SVOP: variants seen among roughly 807,000 people sequenced by gnomAD.
SVOP encodes synaptic vesicle 2-related protein.
A neutral mutation model predicts 69.1 loss-of-function variants in SVOP; 17 were observed. The ratio of observed to expected loss-of-function variants is 0.25; its 90% CI spans 0.17 to 0.37. The LOEUF is 0.37. Ranked by LOEUF, SVOP falls within the 10% of genes least tolerant of loss-of-function variation. The pLI is 1.00. For synonymous variants in SVOP, 238 were observed against 238.6 expected (o/e 1.00, Z 0.02); for missense variants, 435 against 597.5 (o/e 0.73, Z 2.84).
intron 11 of SVOP, among the ~76,000 whole-genome samples, chr12:108,933,200 G>T (rs1377288211): frequency 6.6e-6 from 1 of 151,924 alleles, no homozygotes; most frequent in Non-Finnish European, 1.5e-5. Flanking sequence ...TCTTTTCTGT[G>T]AATAAATAAA....
chr12:108,995,425 A>C (rs556024509), intron 1 of SVOP, among the ~76,000 whole-genome samples: 5 of 152,314 alleles, frequency 3.3e-5, no homozygotes, highest in Non-Finnish European at 5.9e-5. Flanking sequence ...TGAGGATTCT[A>C]CCTATGTGAG....
In SVOP at chr12:108,915,815, C is replaced by T. The variant is rs967612258; in HGVS notation, c.1408G>A (p.Val470Met). 3.7e-6 allele frequency: 6 copies of T among 1,608,588 alleles called. No homozygotes were observed. The highest frequency in any genetic ancestry group is 1.3e-5 in the African/African-American group (1 of 74,792). Residue 470 changes from valine (V) to methionine (M), a missense_variant, in exon 15 of 16, where the codon GTG (valine) becomes ATG (methionine). Physicochemically the swap from Val to Met is conservative, Grantham distance 21. Coordinates refer to ENST00000610966, the MANE Select transcript of SVOP (RefSeq NM_018711.5). ...ATGAACGGAGTGATGAGAGCACCCACTCTTGCCATGCCGCTGCAGGTGCCC... is the reference window on the plus strand; with the variant it reads ...ATGAACGGAGTGATGAGAGCACCCATTCTTGCCATGCCGCTGCAGGTGCCC... The part of the protein sequence containing the change: ...GLGTCSGMAR[V>M]GALITPFIAQ...
rs777869667 is a variant in SVOP at position 108,908,375 on chromosome 12, T to C, written c.*4160A>G. The C allele has an allele frequency of 6.6e-6, 1 of 152,270 alleles. No homozygotes were observed. The highest frequency in any genetic ancestry group is 1.5e-5 in the Non-Finnish European group (1 of 68,040). 9.4% of individuals were successfully genotyped at this position (152,270 alleles called of 1,614,324 possible). A position where few individuals can be genotyped will look rare whatever the true frequency, so the allele number is the denominator to read the frequency against. ...CCATCAACCAAAGCTGCACTGCAGA[T>C]GCATTTTATTGAGCTCACACATCAT... On this transcript the variant is annotated 3_prime_UTR_variant, in exon 16 of 16. Coordinates refer to ENST00000610966, the MANE Select transcript of SVOP (RefSeq NM_018711.5).
intron 11 of SVOP, among the ~76,000 whole-genome samples, chr12:108,923,564 G>C (rs2039763179): frequency 6.6e-6 from 1 of 152,072 alleles, no homozygotes; most frequent in Admixed American, 6.5e-5. Context: ...CCTGGCAAAG[G>C]ACCCTGCTAA....
chr12:108,994,999 G>T (rs991725029), intron 1 of SVOP, among the ~76,000 whole-genome samples: 3 of 151,858 alleles, frequency 2.0e-5, no homozygotes, highest in Non-Finnish European at 2.9e-5. Flanking sequence ...TAAAAAATTA[G>T]CTGGGCATGG....
At chr12:108,998,707 A>C (rs2040250718) in intron 1 of SVOP, among the ~76,000 whole-genome samples, 1 of 151,958 alleles carries the variant, frequency 6.6e-6, no homozygotes, top group Non-Finnish European at 1.5e-5. Flanking sequence ...TATCCAGCCA[A>C]ACTAAGCTTC....
chr12:108,913,768 C>T (rs1306843850), intron 15 of SVOP, among the ~76,000 whole-genome samples: 1 of 152,176 alleles, frequency 6.6e-6, no homozygotes, highest in East Asian at 1.9e-4. Context: ...TCTGCCTCAG[C>T]CTTTTGAGTA....
chr12:108,933,675 G>A lies in SVOP; in HGVS notation c.1048+520C>T, dbSNP rs139420915. 3.3e-5 allele frequency among the ~76,000 whole-genome samples: 5 copies of A among 151,650 alleles called. No individual in the cohort carries two copies. In the East Asian group the frequency reaches 7.7e-4, roughly 23 times the overall value. On this transcript the variant is annotated intron_variant, in intron 11 of 15. Transcript: ENST00000610966. ...AGCCTGGGCGACAGAGCAAGACTCC[G>A]TCAAAAATAAAAAATAAAAAAATAA...
At chr12:108,995,293 T>C (rs924244374) in intron 1 of SVOP, among the ~76,000 whole-genome samples, 2 of 151,956 alleles carry the variant, frequency 1.3e-5, no homozygotes, top group Admixed American at 1.3e-4. Flanking sequence ...GAACAATATA[T>C]ACAATAGAAT....
chr12:108,981,571 G>A (rs1354587223), intron 2 of SVOP, among the ~76,000 whole-genome samples: 1 of 152,168 alleles, frequency 6.6e-6, no homozygotes, highest in Non-Finnish European at 1.5e-5. Context: ...GGGCTCTGAG[G>A]CCAGATTGCC....
At chr12:108,978,182 T>G (rs935070686) in intron 3 of SVOP, among the ~76,000 whole-genome samples, 2 of 152,208 alleles carry the variant, frequency 1.3e-5, no homozygotes, top group African/African-American at 4.8e-5. Flanking sequence ...ATTAAAGGTT[T>G]GGCTGTACTC....
rs891320738 is a variant in SVOP at position 108,915,960 on chromosome 12, G to C, written c.1351-88C>G. 3.1e-6 allele frequency: 4 copies of C among 1,305,058 alleles called. No homozygotes were observed. The African/African-American group carries it at 6.0e-5, about 20-fold the overall frequency. 80.8% of individuals were successfully genotyped at this position (1,305,058 alleles called of 1,614,324 possible). ...CAAGCTGATAGGACCAACCTCAGGG[G>C]CAGGCCGGAAGTCAGGGCAAATCCC... On this transcript the variant is annotated intron_variant, in intron 14 of 15. Coordinates refer to ENST00000610966, the MANE Select transcript of SVOP (RefSeq NM_018711.5).
intron 1 of SVOP, among the ~76,000 whole-genome samples, chr12:108,997,129 C>A (rs1421041264): frequency 4.6e-5 from 7 of 152,180 alleles, no homozygotes; most frequent in Non-Finnish European, 1.0e-4. Context: ...CGAAGCAGGG[C>A]GAGGCATTGC....
intron 1 of SVOP, among the ~76,000 whole-genome samples, chr12:108,997,373 G>A (rs1335571383): frequency 6.7e-5 from 10 of 150,348 alleles, no homozygotes; most frequent in South Asian, 2.1e-4. Context: ...AGGCGGCAGC[G>A]AGGCTGGGGG....
chr12:108,913,072 T>G (rs531020014), intron 15 of SVOP, among the ~76,000 whole-genome samples: 1 of 151,834 alleles, frequency 6.6e-6, no homozygotes, highest in African/African-American at 2.4e-5. Flanking sequence ...TTTTGTTTTT[T>G]GTTTTTTTTG....
rs754575037 is a variant in SVOP at position 108,915,889 on chromosome 12, G to A, written c.1351-17C>T. 1.5e-5 allele frequency: 23 copies of A among 1,583,074 alleles called. No individual in the cohort carries two copies. The highest frequency in any genetic ancestry group is 7.0e-5 in the South Asian group (6 of 86,084). On this transcript the variant is annotated splice_polypyrimidine_tract_variant and intron_variant, in intron 14 of 15. Transcript: ENST00000610966. ...GGGGTAGACCTGAAACACAGCAGCC[G>A]GATATAGGCATGGGGACATGCAGGT...
intron 1 of SVOP, among the ~76,000 whole-genome samples, chr12:108,985,157 G>A (rs1325797565): frequency 6.6e-6 from 1 of 151,678 alleles, no homozygotes; most frequent in Non-Finnish European, 1.5e-5. Context: ...AACCCATAAG[G>A]GTGAGGCTGC....
intron 1 of SVOP, among the ~76,000 whole-genome samples, chr12:108,998,859 GCC>G (rs2040251801): frequency 7.9e-6 from 1 of 126,166 alleles, no homozygotes; most frequent in Admixed American, 7.9e-5. Flanking sequence ...GCAAAATCAT[GCC>G]AAAATGTAAA....
rs1314898689 is a variant in SVOP at position 108,999,137 on chromosome 12, A to AC, written c.36-15377dup. Among the ~76,000 whole-genome samples, 3 of 122,018 alleles carry AC rather than the reference A, an allele frequency of 2.5e-5. No homozygotes were observed. The Admixed American group carries it at 2.6e-4, about 11-fold the overall frequency. The allele number at this position is 122,018 out of a possible 152,430, so 80.0% of individuals were successfully genotyped here. Reference sequence around the variant, plus strand: ...GGAAGATCTACCAAGCAAATGGAAAACAAAAAAAGGCAGGGGTTGCAATCC... The same window carrying AC: ...GGAAGATCTACCAAGCAAATGGAAAACCAAAAAAAGGCAGGGGTTGCAATCC... On this transcript the variant is annotated intron_variant, in intron 1 of 15. Transcript: ENST00000610966.
Sources: allele counts gnomAD v4.1 joint callset (sites outside exome capture counted in the v4.1 genomes callset), GRCh38; gene constraint gnomAD v4.1.1; transcripts MANE v1.5; gene names NCBI Gene and HGNC (gene_info 2026-07-23, HGNC 2026-07-21).